Variants in KLF12 observed in about 807,000 individuals in gnomAD.
KLF12 encodes Krueppel-like factor 12.
Under a neutral mutation model 37.8 loss-of-function variants are expected in KLF12, and 9 were observed. The observed-to-expected ratio is 0.24, with a 90% CI of 0.14 to 0.42. The LOEUF (loss-of-function observed/expected upper bound fraction) is 0.42, where lower values mean the gene tolerates loss of function less well. Among genes scored for constraint, KLF12 ranks in the 10% least tolerant of loss-of-function variants. KLF12 has a pLI of 1.00. For missense variants in KLF12, 411 were observed against 516.0 expected, an observed-to-expected ratio of 0.80 and a Z score of 1.97; for synonymous variants, 208 against 202.1, an observed-to-expected ratio of 1.03 and a Z score of -0.25.
chr13:73,758,363 T>C (rs562356515), intron 6 of KLF12, among the ~76,000 whole-genome samples: 2 of 152,206 alleles, frequency 1.3e-5, no homozygotes, highest in Non-Finnish European at 2.9e-5. Context: ...TCCTCTGCTG[T>C]ATAAAACCAC....
chr13:73,962,071 T>A (rs919416903), intron 2 of KLF12: 3 of 449,492 alleles, frequency 6.7e-6, no homozygotes, highest in Non-Finnish European at 1.3e-5. Flanking sequence ...TTGGAAGCAA[T>A]CAAAATGTCC....
intron 1 of KLF12, among the ~76,000 whole-genome samples, chr13:74,005,458 T>C (rs993678213): frequency 6.6e-6 from 1 of 152,246 alleles, no homozygotes; most frequent in African/African-American, 2.4e-5. Context: ...TTAAAAAGGC[T>C]GGCAGCGGTA....
intron 5 of KLF12, among the ~76,000 whole-genome samples, chr13:73,805,753 T>C (rs1430946424): frequency 1.3e-5 from 2 of 152,128 alleles, no homozygotes; most frequent in East Asian, 1.9e-4. Flanking sequence ...TTTATGCGTA[T>C]TGGAGTCCAA....
At chr13:74,226,389 A>C in the KLF12 span, among the ~76,000 whole-genome samples, 1 of 152,144 alleles carries the variant, frequency 6.6e-6, no homozygotes, top group Non-Finnish European at 1.5e-5. Context: ...ATGAATCTTG[A>C]AAGACAGTAA....
the KLF12 span, among the ~76,000 whole-genome samples, chr13:74,294,614 G>A: frequency 6.6e-6 from 1 of 151,926 alleles, no homozygotes; most frequent in East Asian, 1.9e-4. Context: ...TGATCCACCC[G>A]CCTCGGCCTC....
intron 2 of KLF12, among the ~76,000 whole-genome samples, chr13:73,972,055 C>T (rs1164740809): frequency 6.6e-6 from 1 of 152,132 alleles, no homozygotes; most frequent in Non-Finnish European, 1.5e-5. Context: ...AAATGATGCT[C>T]AGGAAAAGAA....
In KLF12 at chr13:73,798,852, G is replaced by C. The variant is rs537541484; in HGVS notation, c.806+14300C>G. 1.2e-3 allele frequency among the ~76,000 whole-genome samples: 183 copies of C among 152,276 alleles called. 1 individual carries two copies. The highest frequency in any genetic ancestry group is 3.0e-3 in the African/African-American group (123 of 41,556). On this transcript the variant is annotated intron_variant, in intron 5 of 7. Transcript: ENST00000377669. ...CTCAACCATTGTGGAAAGCAGTGTG[G>C]CCATTCCTCAAAGAGTTAAAAGCAG...
the KLF12 span, among the ~76,000 whole-genome samples, chr13:74,199,058 A>G: frequency 1.3e-5 from 2 of 152,224 alleles, no homozygotes; most frequent in African/African-American, 2.4e-5. Context: ...AGAACAGCCC[A>G]TGAGTCCACT....
chr13:73,781,996 A>T (rs1880996406), intron 5 of KLF12, among the ~76,000 whole-genome samples: 2 of 152,236 alleles, frequency 1.3e-5, no homozygotes, highest in African/African-American at 4.8e-5. Context: ...ATGAATCAGA[A>T]CATGTTCTTA....
the KLF12 span, among the ~76,000 whole-genome samples, chr13:74,249,829 G>C: frequency 6.6e-6 from 1 of 152,186 alleles, no homozygotes; most frequent in Non-Finnish European, 1.5e-5. Context: ...GTTAGTCCCT[G>C]ATGAGGTAAA....
At chr13:74,224,213 T>A in the KLF12 span, among the ~76,000 whole-genome samples, 1 of 152,200 alleles carries the variant, frequency 6.6e-6, no homozygotes, top group Non-Finnish European at 1.5e-5. Context: ...TTTCTATTGA[T>A]CATCTGCAGA....
the KLF12 span, among the ~76,000 whole-genome samples, chr13:74,216,303 C>A: frequency 1.3e-5 from 2 of 152,150 alleles, no homozygotes; most frequent in African/African-American, 4.8e-5. Flanking sequence ...GTGGTTAGAT[C>A]TAAAATTTTA....
chr13:73,716,834 T>C (rs939256102), intron 6 of KLF12, among the ~76,000 whole-genome samples: 3 of 152,246 alleles, frequency 2.0e-5, no homozygotes, highest in Admixed American at 6.5e-5. Flanking sequence ...TATATACTTA[T>C]AACTTACCAA....
chr13:73,797,868 G>C (rs144525927), intron 5 of KLF12, among the ~76,000 whole-genome samples: 129 of 151,796 alleles, frequency 8.5e-4, no homozygotes, highest in African/African-American at 9.4e-4. Flanking sequence ...TAGAGGCCTG[G>C]TCCAGGCCCA....
At chr13:73,948,792 C>G (rs921924304) in intron 2 of KLF12, among the ~76,000 whole-genome samples, 1 of 152,144 alleles carries the variant, frequency 6.6e-6, no homozygotes, top group East Asian at 1.9e-4. Flanking sequence ...TATATACAAG[C>G]ACATTAGTGA....
chr13:74,268,620 T>A, the KLF12 span, among the ~76,000 whole-genome samples: 2,520 of 152,074 alleles, frequency 0.017, 68 homozygotes, highest in African/African-American at 0.055. Context: ...AGATTGGAAC[T>A]CCTGTTCAGG....
At chr13:73,903,179 C>T (rs1249836441) in intron 3 of KLF12, among the ~76,000 whole-genome samples, 1 of 152,020 alleles carries the variant, frequency 6.6e-6, no homozygotes, top group Non-Finnish European at 1.5e-5. Flanking sequence ...CTAACTGATA[C>T]ATTAATTTTT....
chr13:74,111,992 T>C (rs1268288395), intron 1 of KLF12, among the ~76,000 whole-genome samples: 1 of 152,176 alleles, frequency 6.6e-6, no homozygotes, highest in Non-Finnish European at 1.5e-5. Flanking sequence ...AAGTTATTCA[T>C]ATTTAATATC....
chr13:73,878,736 G>A (rs1470010248), intron 3 of KLF12, among the ~76,000 whole-genome samples: 17 of 152,332 alleles, frequency 1.1e-4, no homozygotes, highest in African/African-American at 3.8e-4. Flanking sequence ...GCCTGATAAA[G>A]TGAGACGTGA....
Sources: gnomAD v4.1 joint callset for allele counts (sites outside exome capture counted in the v4.1 genomes callset) on GRCh38, gnomAD v4.1.1 for gene constraint, MANE v1.5 for transcripts, NCBI Gene and HGNC (gene_info 2026-07-23, HGNC 2026-07-21) for gene names.